ZNF10: variants seen among roughly 807,000 people sequenced by gnomAD.
The protein encoded by ZNF10 is zinc finger protein 10.
ZNF10 carries 8 observed loss-of-function variants against 12.2 expected under a neutral mutation model. The ratio of observed to expected loss-of-function variants is 0.66; its 90% CI spans 0.39 to 1.18. The LOEUF (loss-of-function observed/expected upper bound fraction) is 1.18. ZNF10 is among the 50% of genes most tolerant of loss of function. ZNF10 has a pLI of 0.01. For synonymous variants in ZNF10, 229 were observed against 228.2 expected (o/e 1.00, Z -0.03); for missense variants, 603 against 678.9 (o/e 0.89, Z 1.24).
intron 4 of ZNF10, 103 bp from the exon 5 acceptor site, chr12:133,155,400 G>C: frequency 8.0e-7 from 1 of 1,251,072 alleles, no homozygotes; most frequent in Non-Finnish European, 1.1e-6. Flanking sequence ...AGCCATATTT[G>C]AAAGCAACTG....
At chr12:133,145,059 T>G (rs1379604216) in intron 2 of ZNF10, 2 of 299,298 alleles carry the variant, frequency 6.7e-6, no homozygotes, top group Admixed American at 9.6e-5. Flanking sequence ...AATTTTTGTA[T>G]TTTTAGTAGA....
intron 2 of ZNF10, among the ~76,000 whole-genome samples, chr12:133,148,723 C>T (rs1017618657): frequency 1.4e-5 from 2 of 145,206 alleles, no homozygotes; most frequent in African/African-American, 5.0e-5. Flanking sequence ...TTTAACCTCT[C>T]TAGGTTTCTA....
At chr12:133,151,371 C>T (rs112604475) in intron 3 of ZNF10, among the ~76,000 whole-genome samples, 1 of 152,242 alleles carries the variant, frequency 6.6e-6, no homozygotes, top group South Asian at 2.1e-4. Context: ...TCTGGCTGGG[C>T]ATGGTGGCTC....
chr12:133,132,424 C>T (rs1555298634), intron 1 of ZNF10, among the ~76,000 whole-genome samples: 1 of 151,852 alleles, frequency 6.6e-6, no homozygotes, highest in East Asian at 1.9e-4. Context: ...CGCCAGCCAC[C>T]ATGCCCAGCT....
intron 2 of ZNF10, among the ~76,000 whole-genome samples, chr12:133,147,245 A>G (rs1380402429): frequency 2.0e-5 from 3 of 152,204 alleles, no homozygotes; most frequent in African/African-American, 4.8e-5. Context: ...TTTTGTGTGG[A>G]CATAAATTTT....
rs544534129 is a variant in ZNF10 at position 133,137,098 on chromosome 12, A to C, written c.-60+6344A>C. 3.9e-5 allele frequency among the ~76,000 whole-genome samples: 6 copies of C among 152,244 alleles called. No homozygotes were observed. In the South Asian group the frequency reaches 1.2e-3, roughly 32 times the overall value. The stretch of plus-strand genomic sequence containing the variant: ...AAGCTGCTAGCCCTTTCTCACACCC[A>C]CATTCAGTCAAATTCCAGGACATAC... On this transcript the variant is annotated intron_variant, in intron 1 of 4. Transcript: ENST00000248211.
At chr12:133,142,230 CT>C (rs1955949257) in intron 1 of ZNF10, among the ~76,000 whole-genome samples, 2 of 152,064 alleles carry the variant, frequency 1.3e-5, no homozygotes, top group African/African-American at 4.8e-5. Flanking sequence ...CGAGACCAGC[CT>C]GACCAACATG....
intron 2 of ZNF10, among the ~76,000 whole-genome samples, chr12:133,150,179 A>AT (rs1233573745): frequency 1.3e-5 from 2 of 152,172 alleles, no homozygotes; most frequent in African/African-American, 4.8e-5. Flanking sequence ...CTTTTCTGAG[A>AT]TTTCAGGTTT....
chr12:133,146,228 A>G (rs1566347546), intron 2 of ZNF10, among the ~76,000 whole-genome samples: 1 of 152,170 alleles, frequency 6.6e-6, no homozygotes, highest in Non-Finnish European at 1.5e-5. Context: ...CCCATCTGTC[A>G]AGGTACCTCC....
intron 2 of ZNF10, among the ~76,000 whole-genome samples, chr12:133,146,885 G>C: frequency 6.6e-6 from 1 of 151,746 alleles, no homozygotes; most frequent in Admixed American, 6.6e-5. Flanking sequence ...GCAAACCCAT[G>C]ATCCTAGAAT....
In ZNF10 at chr12:133,156,761, T is replaced by C; in HGVS notation, c.1515T>C (p.Ile505=). 1.9e-6 allele frequency: 3 copies of C among 1,600,686 alleles called. No individual in the cohort carries two copies. The highest frequency in any genetic ancestry group is 2.6e-6 in the Non-Finnish European group (3 of 1,174,710). The stretch of plus-strand genomic sequence containing the variant: ...CCTTCATCCGGAAGAATGACCTCAT[T>C]AAGCACCAGAGAATTCATGTTGGAG... The part of the protein sequence containing the change: ...GKAFIRKNDL[I]KHQRIHVGEE... Residue 505 remains isoleucine, a synonymous_variant, in exon 5 of 5, where the codon ATT becomes ATC. Coordinates refer to ENST00000248211, the MANE Select transcript of ZNF10 (RefSeq NM_015394.5).
chr12:133,134,014 G>A (rs1955895687), intron 1 of ZNF10, among the ~76,000 whole-genome samples: 1 of 151,982 alleles, frequency 6.6e-6, no homozygotes, highest in Non-Finnish European at 1.5e-5. Context: ...AAAAGAGCTG[G>A]GTGGCCGGGC....
At chr12:133,137,063 G>T (rs1371951455) in intron 1 of ZNF10, among the ~76,000 whole-genome samples, 2 of 152,150 alleles carry the variant, frequency 1.3e-5, no homozygotes, top group East Asian at 3.9e-4. Flanking sequence ...AGAAGCCTGA[G>T]AGTCATGTGA....
intron 4 of ZNF10, among the ~76,000 whole-genome samples, chr12:133,154,042 C>T (rs1243991282): frequency 1.3e-5 from 2 of 151,626 alleles, no homozygotes; most frequent in Non-Finnish European, 2.9e-5. Flanking sequence ...CTAATTACAT[C>T]TGGAAAGACT....
chr12:133,151,226 A>G lies in ZNF10; in HGVS notation c.160+72A>G, dbSNP rs551603055. 6.7e-6 allele frequency: 10 copies of G among 1,482,662 alleles called. No individual in the cohort carries two copies. In the Admixed American group the frequency reaches 9.4e-5, roughly 14 times the overall value. The allele number at this position is 1,482,662 out of a possible 1,614,324, so 91.8% of individuals were successfully genotyped here. On this transcript the variant is annotated intron_variant, in intron 3 of 4. Coordinates refer to ENST00000248211, the MANE Select transcript of ZNF10 (RefSeq NM_015394.5). ...AAGGTACAGAGACCCTGAAGCATGT[A>G]TCACACCAGAGTATAGGCTTGGCGT... is the stretch of plus-strand genomic sequence containing the variant.
Position 133,156,625 on chromosome 12 carries a change from C to G in ZNF10, c.1379C>G (p.Pro460Arg), listed in dbSNP as rs764871038. 3 of 1,614,044 alleles carry G rather than the reference C, an allele frequency of 1.9e-6. No homozygotes were observed. Among genetic ancestry groups the G allele is most frequent in the Non-Finnish European group, 1.7e-6 (2 of 1,179,988 alleles). The change falls in exon 5 of 5, where the codon CCA becomes CGA. Residue 460 changes from proline (P) to arginine (R), a missense_variant. Around this residue, in one of 3 missense-constraint regions of ZNF10, gnomAD observed 204 missense variants for 262.8 expected, o/e 0.78. Coordinates refer to ENST00000248211, the MANE Select transcript of ZNF10 (RefSeq NM_015394.5). ...SHQRTHTGEK[P>R]YECHDCGKSF... is the part of the protein sequence containing the mutation. ...CAAAGAACCCACACTGGAGAGAAAC[C>G]ATATGAGTGTCATGATTGTGGAAAA...
At chr12:133,148,161 T>C (rs1458429092) in intron 2 of ZNF10, among the ~76,000 whole-genome samples, 2 of 152,046 alleles carry the variant, frequency 1.3e-5, no homozygotes, top group South Asian at 2.1e-4. Context: ...CATTCTCTCG[T>C]CTAGGCTGGA....
Sources: gnomAD v4.1 joint callset for allele counts (sites outside exome capture counted in the v4.1 genomes callset) on GRCh38, gnomAD v4.1.1 for gene constraint, gnomAD v4.1.1 regional missense constraint, MANE v1.5 for transcripts, NCBI Gene and HGNC (gene_info 2026-07-23, HGNC 2026-07-21) for gene names.